Variants in DST observed in about 807,000 individuals in gnomAD.
The protein encoded by DST is bullous pemphigoid antigen.
Under a neutral mutation model 875.2 loss-of-function variants are expected in DST, and 253 were observed. That is an observed-to-expected ratio of 0.29 (90% CI 0.26 to 0.32). DST has a LOEUF of 0.32. Among genes scored for constraint, DST ranks in the 10% least tolerant of loss-of-function variants. The pLI, the probability that DST is intolerant of heterozygous loss-of-function variation, is 1.00. For synonymous variants in DST, 3,124 were observed against 3,197.1 expected (o/e 0.98, Z 0.77); for missense variants, 8,287 against 9,111.6 (o/e 0.91, Z 3.68).
At chr6:56,614,330 T>C (rs776388219) in intron 37 of DST, 26 bp downstream of exon 37, 1 of 1,568,930 alleles carries the variant, frequency 6.4e-7, no homozygotes, top group Non-Finnish European at 8.6e-7. Context: ...TTATTATTAT[T>C]ATTAAACCAG....
intron 61 of DST, among the ~76,000 whole-genome samples, chr6:56,551,697 G>A (rs2097326646): frequency 6.6e-6 from 1 of 152,138 alleles, no homozygotes; most frequent in African/African-American, 2.4e-5. Flanking sequence ...TTACAACATG[G>A]AACTCCATAT....
At chr6:56,672,498 T>A (rs76033450) in intron 9 of DST, among the ~76,000 whole-genome samples, 1 of 152,168 alleles carries the variant, frequency 6.6e-6, no homozygotes, top group African/African-American at 2.4e-5. Flanking sequence ...CTTTTTTTTT[T>A]ATGTGACAAA....
At chr6:56,490,128 T>C (rs2095687738) in intron 85 of DST, among the ~76,000 whole-genome samples, 1 of 152,134 alleles carries the variant, frequency 6.6e-6, no homozygotes, top group South Asian at 2.1e-4. Context: ...GCATTCCTAT[T>C]TAATGCAAAG....
rs370264691 is a variant in DST, at chr6:56,646,011, C to T, written c.1651-18G>A. ...ATCCAAATCTTGAGAAAACAAAAAA[C>T]TTTAATGTGAAGCAAAAATGAAAAC... is the stretch of plus-strand genomic sequence containing the variant. On this transcript the variant is annotated intron_variant, in intron 14 of 103. Transcript: ENST00000680361. 1.9e-6 allele frequency: 3 copies of T among 1,605,266 alleles called. No individual in the cohort carries two copies. The highest frequency in any genetic ancestry group is 2.5e-6 in the Non-Finnish European group (3 of 1,177,422).
intron 36 of DST, chr6:56,614,937 T>C (rs1321460129): frequency 1.0e-6 from 1 of 991,440 alleles, no homozygotes; most frequent in African/African-American, 1.7e-5. Flanking sequence ...ACACATAATA[T>C]TCATAATGTT....
intron 2 of DST, among the ~76,000 whole-genome samples, chr6:56,924,446 TTATCTG>T (rs1805974327): frequency 6.6e-6 from 1 of 152,200 alleles, no homozygotes; most frequent in Admixed American, 6.5e-5. Flanking sequence ...ATATTTGTGT[TTATCTG>T]TATGTATATA....
chr6:56,509,564 T>C (rs977667909), intron 74 of DST, 78 bp downstream of exon 74: 3 of 1,089,202 alleles, frequency 2.8e-6, no homozygotes, highest in Non-Finnish European at 4.0e-6. Flanking sequence ...GGCATTTTGT[T>C]ATCCAATTGG....
intron 4 of DST, among the ~76,000 whole-genome samples, chr6:56,779,684 C>G (rs1026276886): frequency 1.3e-5 from 2 of 150,692 alleles, no homozygotes; most frequent in African/African-American, 4.9e-5. Flanking sequence ...TGTCAAAGAT[C>G]AGATGGTTGT....
chr6:56,504,113 C>A lies in DST; in HGVS notation c.19465-15G>T, dbSNP rs767610016. On this transcript the variant is annotated splice_polypyrimidine_tract_variant and intron_variant, in intron 77 of 103. Coordinates refer to ENST00000680361, the MANE Select transcript of DST (RefSeq NM_001374736.1). ...TCAAATACCGCCTGAAAGACACATTCGCCCACGTGTTGTTACAACAGTACA... is the reference window on the plus strand; with the variant it reads ...TCAAATACCGCCTGAAAGACACATTAGCCCACGTGTTGTTACAACAGTACA... 2.5e-6 allele frequency: 4 copies of A among 1,569,664 alleles called. No homozygotes were observed. The Admixed American group carries it at 6.9e-5, about 27-fold the overall frequency.
intron 2 of DST, among the ~76,000 whole-genome samples, chr6:56,932,335 C>T (rs529068918): frequency 6.6e-6 from 1 of 152,216 alleles, no homozygotes; most frequent in South Asian, 2.1e-4. Flanking sequence ...ACTTTAAATC[C>T]AATTAAACCT....
At chr6:56,656,627 A>G (rs2099010067) in intron 10 of DST, among the ~76,000 whole-genome samples, 1 of 152,194 alleles carries the variant, frequency 6.6e-6, no homozygotes, top group Admixed American at 6.5e-5. Flanking sequence ...CCAAGAACAC[A>G]AATCTGGTAA....
chr6:56,764,262 A>G (rs1420530969), intron 4 of DST, among the ~76,000 whole-genome samples: 1 of 152,204 alleles, frequency 6.6e-6, no homozygotes, highest in Non-Finnish European at 1.5e-5. Flanking sequence ...CAAGTCACCA[A>G]CAAGCAAAGC....
At chr6:56,473,622 T>C (rs2095015908) in intron 93 of DST, among the ~76,000 whole-genome samples, 1 of 152,208 alleles carries the variant, frequency 6.6e-6, no homozygotes, top group Non-Finnish European at 1.5e-5. Flanking sequence ...TTTTTTCAAT[T>C]TTCTTCTAGC....
intron 100 of DST, chr6:56,464,152 G>A (rs2094467946): frequency 2.7e-6 from 1 of 366,230 alleles, no homozygotes; most frequent in South Asian, 2.2e-5. Flanking sequence ...GACCAGTAAG[G>A]CAGGGACTGT....
chr6:56,539,446 A>G (rs2097082227), intron 61 of DST, among the ~76,000 whole-genome samples: 1 of 152,254 alleles, frequency 6.6e-6, no homozygotes, highest in African/African-American at 2.4e-5. Context: ...GACTGAGAAG[A>G]GGAACGGTTC....
chr6:56,790,137 A>G (rs1302484243), intron 4 of DST, among the ~76,000 whole-genome samples: 1 of 151,996 alleles, frequency 6.6e-6, no homozygotes, highest in African/African-American at 2.4e-5. Flanking sequence ...TCCTTTGCTG[A>G]CACTGGGGAC....
At chr6:56,724,306 T>C (rs919369923) in intron 5 of DST, among the ~76,000 whole-genome samples, 15 of 152,256 alleles carry the variant, frequency 9.9e-5, no homozygotes, top group Non-Finnish European at 2.2e-4. Context: ...AGAATATGCA[T>C]GGATACTGAT....
intron 5 of DST, among the ~76,000 whole-genome samples, chr6:56,716,390 A>T (rs944779697): frequency 2.0e-5 from 3 of 152,256 alleles, no homozygotes; most frequent in Non-Finnish European, 4.4e-5. Context: ...CCACAAAATG[A>T]ATCATAGACT....
intron 36 of DST, chr6:56,620,779 C>T (rs921788087): frequency 1.4e-6 from 2 of 1,446,336 alleles, no homozygotes; most frequent in Non-Finnish European, 1.9e-6. Flanking sequence ...ACGTATGAAT[C>T]AATGTTCATA....
Sources: gnomAD v4.1 joint callset for allele counts (sites outside exome capture counted in the v4.1 genomes callset) on GRCh38, gnomAD v4.1.1 for gene constraint, MANE v1.5 for transcripts, NCBI Gene and HGNC (gene_info 2026-07-23, HGNC 2026-07-21) for gene names.